RPTOR: variants seen among roughly 807,000 people sequenced by gnomAD.
RPTOR encodes the protein regulatory associated protein of MTOR complex 1.
Under a neutral mutation model 169.9 loss-of-function variants are expected in RPTOR, and 21 were observed. The ratio of observed to expected loss-of-function variants is 0.12; its 90% CI spans 0.09 to 0.18. The LOEUF (loss-of-function observed/expected upper bound fraction) is 0.18, where lower values mean the gene tolerates loss of function less well. RPTOR is among the 10% of genes least tolerant of loss of function. The probability of loss-of-function intolerance (pLI) is 1.00; values close to 1 mark genes in which losing one functional copy is unlikely to be tolerated. For missense variants in RPTOR, 1,133 were observed against 1,855.9 expected (o/e 0.61, Z 7.16); for synonymous variants, 732 against 753.2 (o/e 0.97, Z 0.46).
At chr17:80,786,045 CCCCAGGGATA>C (rs1033403865) in intron 6 of RPTOR, among the ~76,000 whole-genome samples, 3 of 152,020 alleles carry the variant, frequency 2.0e-5, no homozygotes, top group African/African-American at 7.3e-5. Context: ...GGAACCAGTC[CCCCAGGGATA>C]CCCAGGGATG....
chr17:80,686,562 T>G (rs1049376258), intron 3 of RPTOR, among the ~76,000 whole-genome samples: 2 of 152,060 alleles, frequency 1.3e-5, no homozygotes, highest in Non-Finnish European at 2.9e-5. Flanking sequence ...GTATTTGCCT[T>G]TCGGGACTCA....
intron 6 of RPTOR, among the ~76,000 whole-genome samples, chr17:80,756,143 GCCC>G (rs1366495313): frequency 1.3e-5 from 2 of 152,208 alleles, no homozygotes; most frequent in Non-Finnish European, 2.9e-5. Context: ...TGAGGGCTCT[GCCC>G]TCACATTTAG....
chr17:80,861,549 G>C lies in RPTOR; in HGVS notation c.1509+3649G>C, dbSNP rs571929519. On this transcript the variant is annotated intron_variant, in intron 13 of 33. Transcript: ENST00000306801. This position sits in a 1 kb window ranked among gnomAD's most constrained non-coding sequence, Gnocchi z 4.5. ...GTTTCTGTCCTACACCCATATCTTC[G>C]TCATCTACATGGACACACTTAGAAA... is the stretch of plus-strand genomic sequence containing the variant. 1.9e-5 allele frequency among the ~76,000 whole-genome samples: 2 copies of C among 105,950 alleles called. No homozygotes were observed. Among genetic ancestry groups the C allele is most frequent in the Non-Finnish European group, 4.9e-5 (2 of 41,000 alleles). The allele number at this position is 105,950 out of a possible 152,430, so 69.5% of individuals were successfully genotyped here.
At chr17:80,571,682 A>G (rs1164894000) in intron 1 of RPTOR, among the ~76,000 whole-genome samples, 1 of 151,978 alleles carries the variant, frequency 6.6e-6, no homozygotes, top group Non-Finnish European at 1.5e-5. Context: ...CACCACACCA[A>G]GCTAATTTTT....
intron 1 of RPTOR, among the ~76,000 whole-genome samples, chr17:80,601,322 A>ACAAGGTGTCCCCTCCCTTCCCTTCCT (rs376273237): frequency 6.6e-6 from 1 of 152,164 alleles, no homozygotes; most frequent in South Asian, 2.1e-4. Flanking sequence ...CTGCCCCTGC[A>ACAAGGTGTCCCCTCCCTTCCCTTCCT]GGAAGGAGAA....
rs1169894783 is a variant in RPTOR, at chr17:80,651,553, T to C, written c.348+7743T>C. Among the ~76,000 whole-genome samples the C allele has an allele frequency of 6.6e-6, 1 of 152,148 alleles. No homozygotes were observed. Among genetic ancestry groups the C allele is most frequent in the Non-Finnish European group, 1.5e-5 (1 of 68,038 alleles). ...AATGGAGATTTTTTTAAAATGGACA[T>C]ACGAAGCACATAACGTCAAGTTCAC... On this transcript the variant is annotated intron_variant, in intron 3 of 33. Transcript: ENST00000306801. This position sits in a 1 kb window ranked among gnomAD's most constrained non-coding sequence, Gnocchi z 4.1.
At chr17:80,553,804 C>T (rs759623952) in intron 1 of RPTOR, among the ~76,000 whole-genome samples, 4 of 151,712 alleles carry the variant, frequency 2.6e-5, no homozygotes, top group Admixed American at 6.6e-5. Flanking sequence ...TGCAGTGGCG[C>T]GATCTCGGCT....
Position 80,957,807 on chromosome 17 carries a change from G to A in RPTOR, c.3477+77G>A. 1 of 1,363,476 alleles carries A rather than the reference G, an allele frequency of 7.3e-7. No homozygotes were observed. The highest frequency in any genetic ancestry group is 1.0e-6 in the Non-Finnish European group (1 of 958,234). 84.5% of individuals were successfully genotyped at this position (1,363,476 alleles called of 1,614,324 possible). A position where few individuals can be genotyped will look rare whatever the true frequency, so the allele number is the denominator to read the frequency against. On this transcript the variant is annotated intron_variant, in intron 29 of 33. Transcript: ENST00000306801. This position sits in a 1 kb window ranked among gnomAD's most constrained non-coding sequence, Gnocchi z 4.6. Reference sequence around the variant, plus strand: ...GGGCTGGTCCTCGTCACAGAACCCAGCAAAGTGTGCGGTGAGGCCTGGCCA... The same window carrying A: ...GGGCTGGTCCTCGTCACAGAACCCAACAAAGTGTGCGGTGAGGCCTGGCCA...
intron 28 of RPTOR, among the ~76,000 whole-genome samples, chr17:80,953,438 A>AT (rs1394266362): frequency 6.6e-6 from 1 of 152,150 alleles, no homozygotes; most frequent in Non-Finnish European, 1.5e-5. Context: ...CCCAGCTCCC[A>AT]TAAGTTCCTC....
chr17:80,774,047 T>C, intron 6 of RPTOR: 9 of 985,474 alleles, frequency 9.1e-6, no homozygotes, highest in Non-Finnish European at 9.6e-6. Context: ...CCTGTTTTTC[T>C]ATTTCTTCGT....
intron 4 of RPTOR, among the ~76,000 whole-genome samples, chr17:80,729,914 A>G (rs376916767): frequency 3.9e-5 from 6 of 152,106 alleles, no homozygotes; most frequent in East Asian, 1.9e-4. Flanking sequence ...CACAGTGGGA[A>G]CTGAGACAGC....
At chr17:80,589,151 T>C (rs2065085015) in intron 1 of RPTOR, among the ~76,000 whole-genome samples, 1 of 152,238 alleles carries the variant, frequency 6.6e-6, no homozygotes, top group Non-Finnish European at 1.5e-5. Context: ...GCATTGGCTT[T>C]GCATATGGTA....
In RPTOR at chr17:80,743,409, G is replaced by A. The variant is rs146378439; in HGVS notation, c.655-10601G>A. ...TAACCTGAGCCGTAGAACGTAAGAA[G>A]TTGCCAGCATAAAGACAGGTAGGAA... On this transcript the variant is annotated intron_variant, in intron 5 of 33. Coordinates refer to ENST00000306801, the MANE Select transcript of RPTOR (RefSeq NM_020761.3). 19 of 985,524 alleles carry A rather than the reference G, an allele frequency of 1.9e-5. No individual in the cohort carries two copies. The African/African-American group carries it at 2.6e-4, about 14-fold the overall frequency. 61.0% of individuals were successfully genotyped at this position (985,524 alleles called of 1,614,324 possible).
intron 9 of RPTOR, 64 bp from the exon 10 acceptor site, chr17:80,837,858 T>G: frequency 2.7e-6 from 4 of 1,484,218 alleles, no homozygotes. Context: ...CTGTGCCCTG[T>G]GAAGTGGCCT....
intron 6 of RPTOR, among the ~76,000 whole-genome samples, chr17:80,782,772 C>G (rs1006256501): frequency 1.3e-5 from 2 of 152,232 alleles, no homozygotes; most frequent in African/African-American, 4.8e-5. Context: ...TTCCTGACAG[C>G]TTGGCTTCCT....
At chr17:80,736,837 A>G (rs1423855818) in intron 5 of RPTOR, among the ~76,000 whole-genome samples, 1 of 152,154 alleles carries the variant, frequency 6.6e-6, no homozygotes. Flanking sequence ...GAGTTTGCAA[A>G]TCTTCTCCAC....
chr17:80,685,644 T>TATTTA (rs1555607050), intron 3 of RPTOR, among the ~76,000 whole-genome samples: 1 of 72,302 alleles, frequency 1.4e-5, no homozygotes, highest in African/African-American at 4.6e-5. Context: ...TTTTTTTTTT[T>TATTTA]TTTTTTTTTT....
chr17:80,598,890 A>ATCTG (rs1555593612), intron 1 of RPTOR, among the ~76,000 whole-genome samples: 1 of 144,912 alleles, frequency 6.9e-6, no homozygotes, highest in Non-Finnish European at 1.5e-5. Context: ...CTTTCTATCT[A>ATCTG]TCTATCTATC....
intron 1 of RPTOR, among the ~76,000 whole-genome samples, chr17:80,564,023 C>T (rs563083946): frequency 6.6e-6 from 1 of 151,996 alleles, no homozygotes; most frequent in African/African-American, 2.4e-5. Context: ...TCCAGCATTT[C>T]GGCTACTAAA....
Sources: gnomAD v4.1 joint callset for allele counts (sites outside exome capture counted in the v4.1 genomes callset) on GRCh38, gnomAD v4.1.1 for gene constraint, Gnocchi (gnomAD v3.1) non-coding constraint, MANE v1.5 for transcripts, NCBI Gene and HGNC (gene_info 2026-07-23, HGNC 2026-07-21) for gene names.